SEMA5A: variants seen among roughly 807,000 people sequenced by gnomAD.
The protein encoded by SEMA5A is semaphorin-5A.
Under a neutral mutation model 135.5 loss-of-function variants are expected in SEMA5A, and 55 were observed. That is an observed-to-expected ratio of 0.41 (90% CI 0.33 to 0.51). SEMA5A has a LOEUF of 0.51. SEMA5A is among the 20% of genes least tolerant of loss of function. SEMA5A has a pLI of 0.37. For missense variants in SEMA5A, 1,290 were observed against 1,419.9 expected (o/e 0.91, Z 1.47); for synonymous variants, 580 against 546.5 (o/e 1.06, Z -0.85).
chr5:9,066,776 C>T (rs1737497261), intron 16 of SEMA5A, 130 bp from the exon 17 acceptor site: 4 of 708,272 alleles, frequency 5.6e-6, no homozygotes, highest in Non-Finnish European at 7.1e-6. Flanking sequence ...AGCTACTCTA[C>T]CAAACTAAAA....
chr5:9,445,195 C>T (rs929756145), intron 1 of SEMA5A, among the ~76,000 whole-genome samples: 14 of 152,152 alleles, frequency 9.2e-5, no homozygotes, highest in Non-Finnish European at 1.3e-4. Flanking sequence ...ACGTGCATAA[C>T]ACCACAATGA....
chr5:9,299,536 C>T (rs944389728), intron 5 of SEMA5A, among the ~76,000 whole-genome samples: 5 of 152,148 alleles, frequency 3.3e-5, no homozygotes, highest in African/African-American at 7.2e-5. Context: ...GGGTGGGGTG[C>T]TGACCAGTGG....
At chr5:9,405,245 C>A (rs139959767) in intron 2 of SEMA5A, among the ~76,000 whole-genome samples, 1 of 152,142 alleles carries the variant, frequency 6.6e-6, no homozygotes, top group Non-Finnish European at 1.5e-5. Flanking sequence ...AAAACAGACT[C>A]CCCAGAGATT....
At chr5:9,255,918 A>C (rs961391022) in intron 5 of SEMA5A, among the ~76,000 whole-genome samples, 3 of 103,944 alleles carry the variant, frequency 2.9e-5, no homozygotes, top group African/African-American at 1.1e-4. Flanking sequence ...CTTCTCCCCT[A>C]GTGTTGCCCA....
At chr5:9,450,799 G>A (rs374417916) in intron 1 of SEMA5A, among the ~76,000 whole-genome samples, 26 of 151,618 alleles carry the variant, frequency 1.7e-4, no homozygotes, top group African/African-American at 5.6e-4. Context: ...AGTTAATTCA[G>A]CATCAGAAAA....
chr5:9,455,210 A>T (rs372178104), intron 1 of SEMA5A, among the ~76,000 whole-genome samples: 4 of 152,088 alleles, frequency 2.6e-5, no homozygotes, highest in Non-Finnish European at 5.9e-5. Context: ...TTTCCTGCTC[A>T]GATAGCATAT....
At chr5:9,494,982 TTAAAA>T (rs1735228075) in intron 1 of SEMA5A, among the ~76,000 whole-genome samples, 3 of 152,198 alleles carry the variant, frequency 2.0e-5, no homozygotes. Context: ...TCCATATATA[TTAAAA>T]TATTTATTCT....
At position 9,310,051 on chromosome 5, in the gene SEMA5A, T is replaced by G. The variant is rs1752054772; in HGVS notation, c.270+8321A>C. On this transcript the variant is annotated intron_variant, in intron 5 of 22. Coordinates refer to ENST00000382496, the MANE Select transcript of SEMA5A (RefSeq NM_003966.3). ...ACATTGATAAACTAAAAAAAAATAC[T>G]GAGTCATATTGTGTTCACTCATCAA... Among the ~76,000 whole-genome samples, 3 of 152,056 alleles carry G rather than the reference T, an allele frequency of 2.0e-5. No individual in the cohort carries two copies. The South Asian group carries it at 6.2e-4, about 32-fold the overall frequency.
chr5:9,304,931 C>T (rs191766507), intron 5 of SEMA5A, among the ~76,000 whole-genome samples: 4 of 152,196 alleles, frequency 2.6e-5, no homozygotes, highest in Non-Finnish European at 5.9e-5. Flanking sequence ...TCCCCCACAC[C>T]GAAATGTAAG....
chr5:9,372,139 C>G (rs775754195), intron 3 of SEMA5A, among the ~76,000 whole-genome samples: 16 of 152,188 alleles, frequency 1.1e-4, no homozygotes, highest in Non-Finnish European at 1.5e-4. Flanking sequence ...TTTATATATT[C>G]AGACTCAGAA....
At chr5:9,127,039 G>A (rs146601609) in intron 13 of SEMA5A, among the ~76,000 whole-genome samples, 181 of 152,298 alleles carry the variant, frequency 1.2e-3, no homozygotes, top group Middle Eastern at 3.4e-3. Context: ...CGAGGACAGG[G>A]AGGTAAGTTT....
chr5:9,299,523 C>G (rs961265660), intron 5 of SEMA5A, among the ~76,000 whole-genome samples: 5 of 152,158 alleles, frequency 3.3e-5, no homozygotes, highest in Non-Finnish European at 5.9e-5. Flanking sequence ...AGCTTCCAAT[C>G]TTGGGTGGGG....
rs181425068 is a variant in SEMA5A, at chr5:9,461,399, G to A, written c.-174-23547C>T. ...AATGGAAATGCTTACAGCAATAGCA[G>A]TCAGCTGCCTGAAAACCTCAGCTTG... On this transcript the variant is annotated intron_variant, in intron 1 of 22. Coordinates refer to ENST00000382496, the MANE Select transcript of SEMA5A (RefSeq NM_003966.3). Among the ~76,000 whole-genome samples, 193 of 152,316 alleles carry A rather than the reference G, an allele frequency of 1.3e-3. 1 individual carries two copies. Among genetic ancestry groups the A allele is most frequent in the Non-Finnish European group, 2.0e-3 (133 of 68,026 alleles).
chr5:9,310,802 C>CATATATATATATAT (rs59096330), intron 5 of SEMA5A, among the ~76,000 whole-genome samples: 8 of 146,234 alleles, frequency 5.5e-5, no homozygotes, highest in East Asian at 2.0e-4. Context: ...TGCATATATA[C>CATATATATATATAT]ATATATATAT....
At chr5:9,254,949 G>A (rs933635624) in intron 5 of SEMA5A, among the ~76,000 whole-genome samples, 3 of 152,182 alleles carry the variant, frequency 2.0e-5, no homozygotes, top group Admixed American at 6.5e-5. Context: ...ACTGTAAGCT[G>A]TAGACTAGAC....
chr5:9,420,258 A>G (rs1273925021), intron 2 of SEMA5A, among the ~76,000 whole-genome samples: 2 of 152,108 alleles, frequency 1.3e-5, no homozygotes, highest in African/African-American at 4.8e-5. Flanking sequence ...ATTACATTCC[A>G]TCTTTGTTTA....
At chr5:9,109,283 G>T (rs1010272170) in intron 15 of SEMA5A, among the ~76,000 whole-genome samples, 29 of 151,708 alleles carry the variant, frequency 1.9e-4, no homozygotes, top group African/African-American at 5.8e-4. Flanking sequence ...CTCGTGATCC[G>T]CCCGCCTCGG....
chr5:9,514,285 C>T (rs922728285), intron 1 of SEMA5A, among the ~76,000 whole-genome samples: 4 of 152,136 alleles, frequency 2.6e-5, no homozygotes, highest in Non-Finnish European at 4.4e-5. Context: ...AATCTCTCAC[C>T]TCAAGACCCG....
intron 11 of SEMA5A, among the ~76,000 whole-genome samples, chr5:9,189,228 G>A (rs147448279): frequency 9.1e-4 from 139 of 152,298 alleles, no homozygotes; most frequent in African/African-American, 2.9e-3. Flanking sequence ...TCTGCTCACC[G>A]TCACCTTCCT....
Sources: gnomAD v4.1 joint callset for allele counts (sites outside exome capture counted in the v4.1 genomes callset) on GRCh38, gnomAD v4.1.1 for gene constraint, MANE v1.5 for transcripts, NCBI Gene and HGNC (gene_info 2026-07-23, HGNC 2026-07-21) for gene names.